TNFSF4: variants seen among roughly 807,000 people sequenced by gnomAD.
TNFSF4 encodes the protein TNF superfamily member 4.
A neutral mutation model predicts 7.3 loss-of-function variants in TNFSF4; 4 were observed. The ratio of observed to expected loss-of-function variants is 0.55; its 90% CI spans 0.27 to 1.25. The LOEUF (loss-of-function observed/expected upper bound fraction) is 1.25. Ranked by LOEUF, TNFSF4 falls within the 50% of genes most tolerant of loss-of-function variation. The probability of loss-of-function intolerance (pLI) is 0.12; values close to 1 mark genes in which losing one functional copy is unlikely to be tolerated. For missense variants in TNFSF4, 181 were observed against 208.8 expected (o/e 0.87, Z 0.82); for synonymous variants, 76 against 83.7 (o/e 0.91, Z 0.50).
the TNFSF4 span, among the ~76,000 whole-genome samples, chr1:173,301,524 T>C: frequency 6.6e-6 from 1 of 151,902 alleles, no homozygotes; most frequent in African/African-American, 2.4e-5. Context: ...TTAACTATTA[T>C]AGCAAAAGTA....
chr1:173,378,886 A>AC, the TNFSF4 span, among the ~76,000 whole-genome samples: 1 of 121,832 alleles, frequency 8.2e-6, no homozygotes, highest in Non-Finnish European at 1.8e-5. Flanking sequence ...CTCCCCCCCC[A>AC]CCACAGGCTA....
chr1:173,267,870 T>TGAGAGGAGAGGAGAGGAGAGCAGAG, the TNFSF4 span, among the ~76,000 whole-genome samples: 1 of 134,734 alleles, frequency 7.4e-6, no homozygotes, highest in African/African-American at 2.8e-5. Flanking sequence ...AGTGAGGAGA[T>TGAGAGGAGAGGAGAGGAGAGCAGAG]GAGAGGAGAG....
At chr1:173,211,166 C>T (rs1011641622), upstream of TNFSF4, among the ~76,000 whole-genome samples, 1 of 152,176 alleles carries the variant, frequency 6.6e-6, no homozygotes, top group Non-Finnish European at 1.5e-5. Flanking sequence ...TGAGAGTGTA[C>T]TCAGTGCCAA....
chr1:173,300,576 T>C, the TNFSF4 span, among the ~76,000 whole-genome samples: 5 of 151,868 alleles, frequency 3.3e-5, no homozygotes, highest in Non-Finnish European at 7.4e-5. Context: ...ATTTTGTTGA[T>C]CACTGGATTT....
chr1:173,200,929 T>C (rs1016680740), intron 1 of TNFSF4, among the ~76,000 whole-genome samples: 7 of 152,276 alleles, frequency 4.6e-5, no homozygotes, highest in Non-Finnish European at 7.3e-5. Flanking sequence ...AGCATTTGCA[T>C]GTTATCAAGC....
the TNFSF4 span, chr1:173,362,766 G>A: frequency 2.5e-6 from 1 of 402,128 alleles, no homozygotes; most frequent in South Asian, 2.2e-5. Context: ...TTTGCCAAAG[G>A]AACACTAATG....
At chr1:173,263,872 A>C in the TNFSF4 span, among the ~76,000 whole-genome samples, 1 of 152,220 alleles carries the variant, frequency 6.6e-6, no homozygotes, top group Admixed American at 6.5e-5. Flanking sequence ...AGCAGCCACT[A>C]TTCCAGGCAA....
At chr1:173,317,034 T>A in the TNFSF4 span, among the ~76,000 whole-genome samples, 1 of 152,308 alleles carries the variant, frequency 6.6e-6, no homozygotes, top group African/African-American at 2.4e-5. Flanking sequence ...ATTGCTTATA[T>A]GTCATTCTGG....
At chr1:173,359,281 T>C in the TNFSF4 span, among the ~76,000 whole-genome samples, 2 of 152,132 alleles carry the variant, frequency 1.3e-5, no homozygotes, top group African/African-American at 4.8e-5. Context: ...ATGAATGAAT[T>C]AGTTTCTTCT....
chr1:173,295,523 A>G, the TNFSF4 span, among the ~76,000 whole-genome samples: 1 of 152,010 alleles, frequency 6.6e-6, no homozygotes, highest in African/African-American at 2.4e-5. Flanking sequence ...ACTGGCACCC[A>G]TCAAATGGAA....
chr1:173,449,492 T>C, the TNFSF4 span, among the ~76,000 whole-genome samples: 1 of 152,064 alleles, frequency 6.6e-6, no homozygotes, highest in African/African-American at 2.4e-5. Flanking sequence ...TATCTGGGAC[T>C]ACAAGCATGC....
the TNFSF4 span, among the ~76,000 whole-genome samples, chr1:173,409,172 AT>A: frequency 6.6e-6 from 1 of 152,226 alleles, no homozygotes; most frequent in Non-Finnish European, 1.5e-5. Context: ...ATGAAGGAGC[AT>A]TCCACAGAAT....
chr1:173,371,574 G>C, the TNFSF4 span, among the ~76,000 whole-genome samples: 1 of 152,048 alleles, frequency 6.6e-6, no homozygotes, highest in Non-Finnish European at 1.5e-5. Context: ...AGGGTTACAG[G>C]ATATTGTCAG....
the TNFSF4 span, among the ~76,000 whole-genome samples, chr1:173,327,117 T>C: frequency 2.0e-5 from 3 of 152,140 alleles, no homozygotes; most frequent in South Asian, 2.1e-4. Flanking sequence ...CTTCAAACTA[T>C]ACTACAAGGC....
the TNFSF4 span, among the ~76,000 whole-genome samples, chr1:173,276,208 A>G: frequency 6.6e-6 from 1 of 152,152 alleles, no homozygotes; most frequent in Admixed American, 6.5e-5. Context: ...GTTTTATGAA[A>G]CAATTCTCAA....
the TNFSF4 span, among the ~76,000 whole-genome samples, chr1:173,423,885 C>G: frequency 6.6e-6 from 1 of 152,136 alleles, no homozygotes; most frequent in African/African-American, 2.4e-5. Flanking sequence ...GTTCTGGAGG[C>G]TGGGAAATCC....
the TNFSF4 span, among the ~76,000 whole-genome samples, chr1:173,272,769 T>C: frequency 6.6e-6 from 1 of 152,170 alleles, no homozygotes; most frequent in African/African-American, 2.4e-5. Context: ...ACTGGACCAC[T>C]TCCACTTCTC....
chr1:173,349,399 C>T, the TNFSF4 span, among the ~76,000 whole-genome samples: 1 of 152,116 alleles, frequency 6.6e-6, no homozygotes, highest in South Asian at 2.1e-4. Flanking sequence ...CCATTGAAGT[C>T]CTAAATGTAT....
the TNFSF4 span, among the ~76,000 whole-genome samples, chr1:173,239,873 C>A: frequency 1.3e-5 from 2 of 151,954 alleles, no homozygotes; most frequent in Non-Finnish European, 2.9e-5. Flanking sequence ...TCTACTAAAA[C>A]CACAAACAAT....
Sources: gnomAD v4.1 joint callset for allele counts (sites outside exome capture counted in the v4.1 genomes callset) on GRCh38, gnomAD v4.1.1 for gene constraint, MANE v1.5 for transcripts, NCBI Gene and HGNC (gene_info 2026-07-23, HGNC 2026-07-21) for gene names.